Variants in SND1 observed in about 807,000 individuals in gnomAD.
SND1 encodes the protein staphylococcal nuclease and tudor domain containing 1.
SND1 carries 38 observed loss-of-function variants against 121.7 expected under a neutral mutation model. The ratio of observed to expected loss-of-function variants is 0.31; its 90% confidence interval spans 0.24 to 0.41. SND1 has a LOEUF of 0.41. SND1 is among the 10% of genes least tolerant of loss of function. The pLI is 1.00. For missense variants in SND1, 868 were observed against 1,184.6 expected (o/e 0.73, Z 3.92); for synonymous variants, 401 against 447.4 (o/e 0.90, Z 1.31).
At chr7:127,730,948 T>C (rs1796664021) in intron 10 of SND1, among the ~76,000 whole-genome samples, 1 of 152,250 alleles carries the variant, frequency 6.6e-6, no homozygotes, top group Non-Finnish European at 1.5e-5. Flanking sequence ...TGTTGTCTTT[T>C]GTAAGGTGGG....
chr7:127,668,015 A>G (rs946382456), intron 1 of SND1, among the ~76,000 whole-genome samples: 5 of 152,226 alleles, frequency 3.3e-5, no homozygotes, highest in African/African-American at 9.6e-5. Flanking sequence ...AAAATGACTC[A>G]GTTAAATGCC....
At position 127,844,431 on chromosome 7, in the gene SND1, G is replaced by A; in HGVS notation, c.1343+7G>A. The A allele has an allele frequency of 6.2e-7, 1 of 1,607,890 alleles. No individual in the cohort carries two copies. ...CTGTCACCATTGGAGGAATGTGAGTGTTCTGGCTGGCATGGACTCAGCTGT... is the reference window on the plus strand; with the variant it reads ...CTGTCACCATTGGAGGAATGTGAGTATTCTGGCTGGCATGGACTCAGCTGT... On this transcript the variant is annotated splice_region_variant and intron_variant, in intron 12 of 23. Transcript: ENST00000354725.
chr7:128,011,464 C>T (rs1384093935), intron 16 of SND1, among the ~76,000 whole-genome samples: 3 of 152,176 alleles, frequency 2.0e-5, no homozygotes, highest in African/African-American at 7.2e-5. Context: ...TTCTCTTCAT[C>T]CTGTCTGGCA....
chr7:127,937,188 G>T (rs1801079066), intron 15 of SND1, among the ~76,000 whole-genome samples: 1 of 152,180 alleles, frequency 6.6e-6, no homozygotes, highest in South Asian at 2.1e-4. Context: ...GTTAAAGGTG[G>T]TACCGCAGTA....
rs185236530 is a variant in SND1 at position 127,924,834 on chromosome 7, G to T, written c.1528-4354G>T. ...AAGTTCCAATCTAACTGCTGAAGGG[G>T]ATATCTTATAGCCATAGATAGATGT... On this transcript the variant is annotated intron_variant, in intron 14 of 23. Transcript: ENST00000354725. 2.0e-5 allele frequency among the ~76,000 whole-genome samples: 3 copies of T among 152,296 alleles called. No individual in the cohort carries two copies. In the East Asian group the frequency reaches 5.8e-4, roughly 29 times the overall value.
rs940344091 is a variant in SND1 at position 127,984,162 on chromosome 7, C to T, written c.1670-6785C>T. Among the ~76,000 whole-genome samples, 7 of 152,162 alleles carry T rather than the reference C, an allele frequency of 4.6e-5. No homozygotes were observed. The East Asian group carries it at 9.6e-4, about 21-fold the overall frequency. On this transcript the variant is annotated intron_variant, in intron 15 of 23. Coordinates refer to ENST00000354725, the MANE Select transcript of SND1 (RefSeq NM_014390.4). ...ATTTCCATGTGGCCACATAACTTTC[C>T]TAGAATTGAACATAGGTCATGAGTG...
intron 16 of SND1, among the ~76,000 whole-genome samples, chr7:128,048,759 G>T (rs1249897493): frequency 2.6e-4 from 40 of 152,174 alleles, no homozygotes; most frequent in Admixed American, 2.6e-3. Context: ...CTCAAGTGAT[G>T]CAGGGTATAT....
intron 11 of SND1, among the ~76,000 whole-genome samples, chr7:127,825,611 T>G (rs1798630014): frequency 6.6e-6 from 1 of 151,550 alleles, no homozygotes; most frequent in South Asian, 2.1e-4. Context: ...TTCGCCATGT[T>G]GGCCAGGCTG....
intron 16 of SND1, among the ~76,000 whole-genome samples, chr7:128,001,305 C>A (rs1182572589): frequency 6.6e-6 from 1 of 152,230 alleles, no homozygotes; most frequent in East Asian, 1.9e-4. Context: ...TTAAGGGCAT[C>A]TTTTCCTTCT....
chr7:127,652,562 C>T (rs1365371487), intron 1 of SND1, 111 bp downstream of exon 1: 3 of 888,712 alleles, frequency 3.4e-6, no homozygotes, highest in East Asian at 5.6e-5. Flanking sequence ...TTTCCTCTGC[C>T]CCCTTCCTCA....
chr7:127,938,096 G>T (rs190978774), intron 15 of SND1, among the ~76,000 whole-genome samples: 71 of 152,300 alleles, frequency 4.7e-4, no homozygotes, highest in Non-Finnish European at 1.5e-4. Flanking sequence ...CCTACTTTCT[G>T]TTGGGTCCCA....
At chr7:127,972,443 G>A (rs568885507) in intron 15 of SND1, among the ~76,000 whole-genome samples, 2 of 152,052 alleles carry the variant, frequency 1.3e-5, no homozygotes, top group South Asian at 4.2e-4. Flanking sequence ...ATTTTTTATA[G>A]AGACGGGTTT....
intron 15 of SND1, among the ~76,000 whole-genome samples, chr7:127,966,820 A>C (rs1801863592): frequency 7.1e-6 from 1 of 140,710 alleles, no homozygotes; most frequent in Non-Finnish European, 1.5e-5. Context: ...AAACACATTC[A>C]AAAGCTAGCA....
intron 18 of SND1, among the ~76,000 whole-genome samples, chr7:128,084,387 CTT>C (rs1286749487): frequency 6.6e-6 from 1 of 152,216 alleles, no homozygotes; most frequent in Non-Finnish European, 1.5e-5. Context: ...TCCCTGTCTA[CTT>C]TCTTTCTCCA....
At chr7:127,854,727 T>C (rs1452949266) in intron 12 of SND1, among the ~76,000 whole-genome samples, 4 of 152,004 alleles carry the variant, frequency 2.6e-5, no homozygotes, top group Non-Finnish European at 5.9e-5. Flanking sequence ...GCAAAACTTA[T>C]GGGTCTTTTC....
intron 15 of SND1, among the ~76,000 whole-genome samples, chr7:127,941,953 T>G (rs1739125932): frequency 1.3e-5 from 2 of 150,564 alleles, no homozygotes; most frequent in Non-Finnish European, 1.5e-5. Flanking sequence ...TGCTACTGAT[T>G]GGGAAGTGCT....
At chr7:128,043,594 T>C (rs1466825750) in intron 16 of SND1, among the ~76,000 whole-genome samples, 6 of 150,368 alleles carry the variant, frequency 4.0e-5, no homozygotes, top group Non-Finnish European at 7.4e-5. Flanking sequence ...TTTATATATA[T>C]ATATAAATTT....
chr7:127,912,896 T>C (rs1033666448), intron 14 of SND1, among the ~76,000 whole-genome samples: 1 of 152,142 alleles, frequency 6.6e-6, no homozygotes, highest in Non-Finnish European at 1.5e-5. Context: ...AAAAGAAAAA[T>C]TTAGAAAGTG....
intron 2 of SND1, 149 bp downstream of exon 2, chr7:127,686,911 A>G (rs1795823490): frequency 1.2e-6 from 1 of 840,856 alleles, no homozygotes; most frequent in African/African-American, 1.7e-5. Context: ...GCCCACAAGC[A>G]GCTTGTATCT....
Sources: allele counts gnomAD v4.1 joint callset (sites outside exome capture counted in the v4.1 genomes callset), GRCh38; gene constraint gnomAD v4.1.1; transcripts MANE v1.5; gene names NCBI Gene and HGNC (gene_info 2026-07-23, HGNC 2026-07-21).